The following LINGO1 variants were observed in gnomAD, a reference collection of about 807,000 sequenced individuals.
LINGO1 encodes the protein leucine rich repeat and Ig domain containing 1.
A neutral mutation model predicts 37.3 loss-of-function variants in LINGO1; 11 were observed. The observed-to-expected ratio is 0.29, with a 90% CI of 0.19 to 0.49. The LOEUF (loss-of-function observed/expected upper bound fraction) is 0.49. Among genes scored for constraint, LINGO1 ranks in the 20% least tolerant of loss-of-function variants. LINGO1 has a pLI of 0.99. For missense variants in LINGO1, 585 were observed against 878.2 expected, an observed-to-expected ratio of 0.67 and a Z score of 4.22; for synonymous variants, 387 against 403.0, an observed-to-expected ratio of 0.96 and a Z score of 0.48.
chr15:77,734,554 AC>A (rs2076184796), intron 2 of LINGO1, among the ~76,000 whole-genome samples: 1 of 151,612 alleles, frequency 6.6e-6, no homozygotes, highest in African/African-American at 2.4e-5. Flanking sequence ...CCCAGAGCAC[AC>A]CCTGCCCCAA....
At chr15:77,794,421 CGTATATGTAT>C (rs1169719300) in intron 2 of LINGO1, among the ~76,000 whole-genome samples, 8 of 38,182 alleles carry the variant, frequency 2.1e-4, no homozygotes, top group Non-Finnish European at 9.6e-5. Flanking sequence ...TATATACATA[CGTATATGTAT>C]ATACATACAT....
At position 77,632,730 on chromosome 15, in the gene LINGO1, C is replaced by T. The variant is rs1027349600; in HGVS notation, c.-415G>A. On this transcript the variant is annotated 5_prime_UTR_variant, in exon 1 of 2. Transcript: ENST00000355300. This position sits in a 1 kb window ranked among gnomAD's most constrained non-coding sequence, Gnocchi z 6.0. ...CGGCGGGCAGCGGCCGCGCATGCTG[C>T]TCGGCGCCCCGCGTCGGGAGAGGGG... is the stretch of plus-strand genomic sequence containing the variant. Among the ~76,000 whole-genome samples the T allele has an allele frequency of 4.1e-5, 6 of 145,722 alleles. No homozygotes were observed. The highest frequency in any genetic ancestry group is 9.1e-5 in the Non-Finnish European group (6 of 65,670).
intron 3 of LINGO1, among the ~76,000 whole-genome samples, chr15:77,644,873 T>A (rs551658663): frequency 6.6e-6 from 1 of 151,966 alleles, no homozygotes; most frequent in South Asian, 2.1e-4. Flanking sequence ...CTGGGTGGGC[T>A]CTCCTCTATG....
At position 77,676,553 on chromosome 15, in the gene LINGO1, C is replaced by T. The variant is rs2075331023; in HGVS notation, c.-13+536G>A. Among the ~76,000 whole-genome samples, 5 of 152,164 alleles carry T rather than the reference C, an allele frequency of 3.3e-5. No homozygotes were observed. In the South Asian group the frequency reaches 1.0e-3, roughly 32 times the overall value. ...CAGAAATGGCCTATCTCAGGCCCACCACAGAGGGGGACTGAAAGTTGAGAC... is the reference window on the plus strand; with the variant it reads ...CAGAAATGGCCTATCTCAGGCCCACTACAGAGGGGGACTGAAAGTTGAGAC... On this transcript the variant is annotated intron_variant, in intron 3 of 3. Transcript: ENST00000559893.
At chr15:77,777,463 A>ACACG (rs1555541579) in intron 1 of LINGO1, among the ~76,000 whole-genome samples, 135 of 53,062 alleles carry the variant, frequency 2.5e-3, no homozygotes, top group African/African-American at 7.2e-3. Context: ...ATATACACAC[A>ACACG]CGCACACACA....
intron 2 of LINGO1, among the ~76,000 whole-genome samples, chr15:77,684,830 A>G (rs1027562519): frequency 6.6e-6 from 1 of 152,144 alleles, no homozygotes; most frequent in Non-Finnish European, 1.5e-5. Flanking sequence ...CCAGGAAGCT[A>G]GGGCAAAGAG....
At chr15:77,628,169 T>A (rs1466803502) in intron 1 of LINGO1, among the ~76,000 whole-genome samples, 2 of 152,100 alleles carry the variant, frequency 1.3e-5, no homozygotes, top group Non-Finnish European at 2.9e-5. Flanking sequence ...CTAGTAAGAG[T>A]GAATGCGAAC....
chr15:77,780,896 G>A, intron 1 of LINGO1, among the ~76,000 whole-genome samples: 1 of 152,032 alleles, frequency 6.6e-6, no homozygotes, highest in Non-Finnish European at 1.5e-5. Flanking sequence ...CTCCAGAACT[G>A]GGCTTGTGTG....
At chr15:77,717,334 AG>A (rs1181744305) in intron 2 of LINGO1, among the ~76,000 whole-genome samples, 4 of 150,730 alleles carry the variant, frequency 2.7e-5, no homozygotes, top group African/African-American at 7.2e-5. Flanking sequence ...AGTGGAGGTG[AG>A]GGGGGGCAGC....
intron 1 of LINGO1, among the ~76,000 whole-genome samples, chr15:77,782,104 C>T (rs1029695027): frequency 1.5e-4 from 23 of 152,160 alleles, no homozygotes; most frequent in African/African-American, 5.1e-4. Context: ...ATTATGTTCC[C>T]GTGCTCTATT....
intron 1 of LINGO1, among the ~76,000 whole-genome samples, chr15:77,804,895 C>T (rs1567593684): frequency 6.6e-6 from 1 of 152,190 alleles, no homozygotes; most frequent in Non-Finnish European, 1.5e-5. Context: ...TCATTATGAG[C>T]CTGGGGCCAA....
chr15:77,727,508 T>C (rs2076113997), intron 2 of LINGO1, among the ~76,000 whole-genome samples: 1 of 152,160 alleles, frequency 6.6e-6, no homozygotes, highest in Non-Finnish European at 1.5e-5. Context: ...CACATATATA[T>C]GGTTTCCTAG....
At chr15:77,678,275 T>A (rs1375208004) in intron 2 of LINGO1, among the ~76,000 whole-genome samples, 1 of 152,172 alleles carries the variant, frequency 6.6e-6, no homozygotes, top group Non-Finnish European at 1.5e-5. Flanking sequence ...ACTATGGCCA[T>A]CAAGGTACAG....
chr15:77,786,561 A>C (rs4624137), intron 1 of LINGO1, among the ~76,000 whole-genome samples: 1 of 152,072 alleles, frequency 6.6e-6, no homozygotes, highest in Non-Finnish European at 1.5e-5. Flanking sequence ...CCTCGGCTGC[A>C]ATGGCGCCTG....
chr15:77,744,068 G>T (rs150254567), intron 1 of LINGO1, among the ~76,000 whole-genome samples: 175 of 152,316 alleles, frequency 1.1e-3, no homozygotes, highest in Middle Eastern at 6.8e-3. Flanking sequence ...AGAACTCACC[G>T]TGGGCAGAGC....
chr15:77,767,219 G>A (rs2076539166), intron 1 of LINGO1, among the ~76,000 whole-genome samples: 1 of 152,188 alleles, frequency 6.6e-6, no homozygotes, highest in South Asian at 2.1e-4. Flanking sequence ...AAAATTCCCA[G>A]TAGCTTGCAA....
chr15:77,799,603 G>A (rs1259944361), intron 1 of LINGO1, among the ~76,000 whole-genome samples: 5 of 152,080 alleles, frequency 3.3e-5, no homozygotes, highest in Admixed American at 6.6e-5. Context: ...AGCAGCTCCC[G>A]CTTTGTTCAT....
intron 1 of LINGO1, among the ~76,000 whole-genome samples, chr15:77,781,895 C>A (rs2076721583): frequency 6.6e-6 from 1 of 152,210 alleles, no homozygotes; most frequent in African/African-American, 2.4e-5. Flanking sequence ...CTCCCATCTG[C>A]AAAATGGTAG....
chr15:77,717,743 G>T (rs1363697893), intron 2 of LINGO1, among the ~76,000 whole-genome samples: 1 of 150,648 alleles, frequency 6.6e-6, no homozygotes. Context: ...GCACAGGAGG[G>T]AGCCTCAGCA....
Sources: gnomAD v4.1 joint callset for allele counts (sites outside exome capture counted in the v4.1 genomes callset) on GRCh38, gnomAD v4.1.1 for gene constraint, Gnocchi (gnomAD v3.1) non-coding constraint, MANE v1.5 for transcripts, NCBI Gene and HGNC (gene_info 2026-07-23, HGNC 2026-07-21) for gene names.